STK31: variants seen among roughly 807,000 people sequenced by gnomAD.
STK31 encodes serine/threonine-protein kinase 31.
Under a neutral mutation model 129.7 loss-of-function variants are expected in STK31, and 89 were observed. That is an observed-to-expected ratio of 0.69 (90% CI 0.58 to 0.82). The LOEUF (loss-of-function observed/expected upper bound fraction) is 0.82, where lower values mean the gene tolerates loss of function less well. STK31 is among the 40% of genes least tolerant of loss of function. The probability of loss-of-function intolerance (pLI) is 0.00; values close to 1 mark genes in which losing one functional copy is unlikely to be tolerated. For synonymous variants in STK31, 448 were observed against 395.3 expected, an observed-to-expected ratio of 1.13 and a Z score of -1.58; for missense variants, 1,187 against 1,176.4, an observed-to-expected ratio of 1.01 and a Z score of -0.13.
At chr7:23,751,575 TG>T (rs1788708459) in intron 8 of STK31, among the ~76,000 whole-genome samples, 1 of 152,188 alleles carries the variant, frequency 6.6e-6, no homozygotes, top group African/African-American at 2.4e-5. Context: ...TAGGCTGAAT[TG>T]GTTGATAGTG....
chr7:23,789,450 G>A lies in STK31; in HGVS notation c.2637+1321G>A, dbSNP rs1391369953. Among the ~76,000 whole-genome samples, 3 of 152,062 alleles carry A rather than the reference G, an allele frequency of 2.0e-5. No homozygotes were observed. The East Asian group carries it at 5.8e-4, about 29-fold the overall frequency. Reference sequence around the variant, plus strand: ...CTTGCCAATATTTTTTATTATCTGAGCAATTCCCTTTGACTAGTATATGTT... The same window carrying A: ...CTTGCCAATATTTTTTATTATCTGAACAATTCCCTTTGACTAGTATATGTT... On this transcript the variant is annotated intron_variant, in intron 21 of 23. Transcript: ENST00000355870.
intron 22 of STK31, among the ~76,000 whole-genome samples, chr7:23,805,990 G>C (rs1405531477): frequency 2.0e-5 from 3 of 152,200 alleles, no homozygotes; most frequent in Non-Finnish European, 4.4e-5. Context: ...GGAAGTACCT[G>C]AGTGATGCCC....
intron 23 of STK31, among the ~76,000 whole-genome samples, chr7:23,829,056 A>G (rs981873521): frequency 6.6e-6 from 1 of 151,228 alleles, no homozygotes; most frequent in African/African-American, 2.4e-5. Flanking sequence ...GCCCGCCATG[A>G]TGCCCAGCAA....
At chr7:23,733,393 CT>C (rs36053082) in intron 6 of STK31, among the ~76,000 whole-genome samples, 55,726 of 125,608 alleles carry the variant, frequency 0.44, 10,317 homozygotes, top group Middle Eastern at 0.56. Flanking sequence ...CTAAAAAATT[CT>C]TTTTTTTTTT....
At chr7:23,764,939 T>C (rs1033569751) in intron 11 of STK31, among the ~76,000 whole-genome samples, 1 of 132,612 alleles carries the variant, frequency 7.5e-6, no homozygotes, top group African/African-American at 2.9e-5. Context: ...TGTAATCTTA[T>C]TTTTTCACTT....
intron 23 of STK31, among the ~76,000 whole-genome samples, chr7:23,816,230 A>G (rs1056046770): frequency 6.6e-6 from 1 of 152,198 alleles, no homozygotes; most frequent in Non-Finnish European, 1.5e-5. Context: ...AAGGTTGACT[A>G]TGGTTTACAG....
intron 10 of STK31, 83 bp from the exon 11 acceptor site, chr7:23,762,718 T>G: frequency 2.0e-6 from 3 of 1,498,480 alleles, no homozygotes; most frequent in Non-Finnish European, 2.7e-6. Flanking sequence ...AAGTTAATTT[T>G]GGAGATCACT....
chr7:23,712,314 C>T (rs775639406), intron 3 of STK31, 28 bp downstream of exon 3: 2 of 1,610,744 alleles, frequency 1.2e-6, no homozygotes, highest in Non-Finnish European at 1.7e-6. Flanking sequence ...TGATATCCCC[C>T]CTCACCTCCC....
intron 6 of STK31, among the ~76,000 whole-genome samples, chr7:23,733,152 G>A (rs565748702): frequency 6.8e-4 from 104 of 152,140 alleles, no homozygotes; most frequent in Middle Eastern, 6.8e-3. Context: ...TATAAAACCT[G>A]TGTTTTTGTT....
intron 17 of STK31, among the ~76,000 whole-genome samples, chr7:23,785,228 T>C (rs940677764): frequency 2.6e-5 from 4 of 152,214 alleles, no homozygotes; most frequent in Non-Finnish European, 5.9e-5. Flanking sequence ...TGGTTGATTC[T>C]AGTCATTTCC....
chr7:23,832,112 T>G (rs757474345), intron 23 of STK31, 24 bp from the exon 24 acceptor site: 5 of 1,545,154 alleles, frequency 3.2e-6, no homozygotes, highest in Non-Finnish European at 8.9e-7. Flanking sequence ...TCCTTTGTTT[T>G]GTAACACCTG....
chr7:23,768,659 A>G (rs1789981584), intron 11 of STK31, among the ~76,000 whole-genome samples: 1 of 152,308 alleles, frequency 6.6e-6, no homozygotes, highest in Non-Finnish European at 1.5e-5. Context: ...CCACTACACA[A>G]TATATCCATG....
intron 8 of STK31, among the ~76,000 whole-genome samples, chr7:23,746,370 C>G (rs1788355889): frequency 6.6e-6 from 1 of 152,116 alleles, no homozygotes; most frequent in Non-Finnish European, 1.5e-5. Flanking sequence ...GTCCAGGCTC[C>G]CAGCCAAGAA....
rs1792003492 is a variant in STK31, at chr7:23,796,971, C to CTT, written c.2760+6026_2760+6027insTT. On this transcript the variant is annotated intron_variant, in intron 22 of 23. Coordinates refer to ENST00000355870, the MANE Select transcript of STK31 (RefSeq NM_031414.5). Reference sequence around the variant, plus strand: ...AAAGCAGGGATTGCAATCCTAGTCTCTGATAAAACAGAATTTTAACCAACA... The same window carrying CTT: ...AAAGCAGGGATTGCAATCCTAGTCTCTTTGATAAAACAGAATTTTAACCAACA... 3.3e-5 allele frequency among the ~76,000 whole-genome samples: 5 copies of CTT among 151,980 alleles called. No homozygotes were observed. The South Asian group carries it at 6.2e-4, about 19-fold the overall frequency.
chr7:23,718,622 G>C (rs373519790), intron 4 of STK31, among the ~76,000 whole-genome samples: 3 of 152,098 alleles, frequency 2.0e-5, no homozygotes, highest in East Asian at 3.9e-4. Context: ...GGCTTCTTTT[G>C]TTCAACATAA....
intron 8 of STK31, among the ~76,000 whole-genome samples, chr7:23,751,627 T>C (rs1442701828): frequency 6.6e-6 from 1 of 152,240 alleles, no homozygotes; most frequent in Non-Finnish European, 1.5e-5. Context: ...CTTTCTCTAC[T>C]TATTCAATCA....
intron 22 of STK31, among the ~76,000 whole-genome samples, chr7:23,798,718 C>A (rs12700478): frequency 3.9e-5 from 6 of 151,932 alleles, no homozygotes; most frequent in East Asian, 1.9e-4. Flanking sequence ...CTCACCACTC[C>A]TATTTAACAT....
chr7:23,758,904 G>A (rs1189635106), intron 10 of STK31, among the ~76,000 whole-genome samples: 2 of 152,010 alleles, frequency 1.3e-5, no homozygotes, highest in African/African-American at 4.8e-5. Flanking sequence ...CCCATCTTCC[G>A]CACAAAAACA....
intron 17 of STK31, among the ~76,000 whole-genome samples, 153 bp downstream of exon 17, chr7:23,783,816 C>G (rs959936697): frequency 3.3e-5 from 5 of 151,958 alleles, no homozygotes; most frequent in Non-Finnish European, 7.4e-5. Context: ...TCTTATGACC[C>G]TTTAATAGTT....
Sources: gnomAD v4.1 joint callset for allele counts (sites outside exome capture counted in the v4.1 genomes callset) on GRCh38, gnomAD v4.1.1 for gene constraint, MANE v1.5 for transcripts, NCBI Gene and HGNC (gene_info 2026-07-23, HGNC 2026-07-21) for gene names.